THSD7A: variants seen among roughly 807,000 people sequenced by gnomAD.
The protein encoded by THSD7A is thrombospondin type 1 domain containing 7A.
Under a neutral mutation model 231.3 loss-of-function variants are expected in THSD7A, and 96 were observed. The observed-to-expected ratio is 0.41, with a 90% confidence interval of 0.35 to 0.49. THSD7A has a LOEUF of 0.49. THSD7A is among the 20% of genes least tolerant of loss of function. The probability of loss-of-function intolerance (pLI) is 0.05; values close to 1 mark genes in which losing one functional copy is unlikely to be tolerated. For synonymous variants in THSD7A, 940 were observed against 743.3 expected, an observed-to-expected ratio of 1.26 and a Z score of -4.30; for missense variants, 2,290 against 2,070.2, an observed-to-expected ratio of 1.11 and a Z score of -2.06.
At chr7:11,567,926 T>C (rs1410424422) in intron 4 of THSD7A, among the ~76,000 whole-genome samples, 1 of 152,158 alleles carries the variant, frequency 6.6e-6, no homozygotes, top group Admixed American at 6.5e-5. Context: ...TCTCACCTAA[T>C]TTTTTTGGTA....
intron 1 of THSD7A, among the ~76,000 whole-genome samples, chr7:11,649,873 C>A (rs912888934): frequency 2.6e-5 from 4 of 151,726 alleles, no homozygotes; most frequent in African/African-American, 7.3e-5. Flanking sequence ...CCAAATCCAA[C>A]TAGTATAATA....
chr7:11,571,518 A>T (rs1311229656), intron 4 of THSD7A, among the ~76,000 whole-genome samples: 2 of 152,184 alleles, frequency 1.3e-5, no homozygotes, highest in African/African-American at 4.8e-5. Context: ...ATTTTTAAAA[A>T]TTCTATTATT....
chr7:11,831,802 C>G lies in THSD7A; in HGVS notation c.145G>C (p.Ala49Pro). Residue 49 changes from alanine (A) to proline (P), a missense_variant, in exon 1 of 28, where the codon GCG becomes CCG. By Grantham distance (27) the Ala-to-Pro change is conservative. Coordinates refer to ENST00000423059, the MANE Select transcript of THSD7A (RefSeq NM_015204.3). The surrounding 1 kb of genome is among the most constrained non-coding windows in gnomAD (Gnocchi z 5.0). Reference protein sequence around the residue: ...LLRPGAGRAAAQGEAEAPTLY... With the variant: ...LLRPGAGRAAPQGEAEAPTLY... ...GTGGGCGCCTCCGCCTCGCCCTGCG[C>G]CGCAGCCCTGCCGGCGCCCGGGCGT... 6.8e-7 allele frequency: 1 copy of G among 1,462,876 alleles called. No individual in the cohort carries two copies. Among genetic ancestry groups the G allele is most frequent in the Non-Finnish European group, 9.1e-7 (1 of 1,103,924 alleles). 90.6% of individuals were successfully genotyped at this position (1,462,876 alleles called of 1,614,324 possible). A position where few individuals can be genotyped will look rare whatever the true frequency, so the allele number is the denominator to read the frequency against.
At chr7:11,679,608 G>A (rs1225134282) in intron 1 of THSD7A, among the ~76,000 whole-genome samples, 1 of 151,994 alleles carries the variant, frequency 6.6e-6, no homozygotes, top group East Asian at 1.9e-4. Context: ...GCTACAAAGA[G>A]AATAAAATAC....
intron 4 of THSD7A, among the ~76,000 whole-genome samples, chr7:11,588,416 C>T (rs1003504920): frequency 1.3e-5 from 2 of 152,088 alleles, no homozygotes; most frequent in African/African-American, 2.4e-5. Flanking sequence ...TATGAAAGGA[C>T]ACACACTCCT....
intron 1 of THSD7A, among the ~76,000 whole-genome samples, chr7:11,829,050 G>C (rs1350697867): frequency 1.3e-5 from 2 of 151,750 alleles, no homozygotes; most frequent in African/African-American, 4.8e-5. Context: ...TCATTTCCTT[G>C]TCTCTAGCTT....
chr7:11,662,932 ATGCT>A (rs1452930322), intron 1 of THSD7A, among the ~76,000 whole-genome samples: 2 of 151,434 alleles, frequency 1.3e-5, no homozygotes, highest in Admixed American at 1.3e-4. Context: ...TATCATTTAA[ATGCT>A]TAAGTTATAA....
intron 6 of THSD7A, among the ~76,000 whole-genome samples, chr7:11,484,874 A>ATTTTTTTTTTTTTTTTTTTTTTTTTTTT (rs56353626): frequency 1.9e-5 from 1 of 53,810 alleles, no homozygotes; most frequent in Admixed American, 3.9e-4. Context: ...CACAACCTTA[A>ATTTTTTTTTTTTTTTTTTTTTTTTTTTT]TTTTTTTTTT....
At chr7:11,500,141 C>G (rs959639383) in intron 6 of THSD7A, among the ~76,000 whole-genome samples, 3 of 151,926 alleles carry the variant, frequency 2.0e-5, no homozygotes, top group Non-Finnish European at 4.4e-5. Flanking sequence ...ACTCTATAAG[C>G]CAGAAGAGAT....
intron 1 of THSD7A, among the ~76,000 whole-genome samples, chr7:11,722,906 G>A (rs1394808001): frequency 1.3e-5 from 2 of 151,970 alleles, no homozygotes; most frequent in Admixed American, 6.6e-5. Flanking sequence ...AACCATTGTG[G>A]AAGTCAGTGT....
chr7:11,522,970 G>C (rs1256200503), intron 6 of THSD7A, among the ~76,000 whole-genome samples: 1 of 152,002 alleles, frequency 6.6e-6, no homozygotes, highest in African/African-American at 2.4e-5. Context: ...TGAATCCAAA[G>C]GAACCAAAAT....
chr7:11,429,705 A>G (rs1784422112), intron 13 of THSD7A, among the ~76,000 whole-genome samples: 1 of 152,216 alleles, frequency 6.6e-6, no homozygotes. Context: ...TTCACATCTT[A>G]TATCCATTTG....
intron 6 of THSD7A, among the ~76,000 whole-genome samples, chr7:11,495,897 G>A (rs945905842): frequency 6.6e-6 from 1 of 152,078 alleles, no homozygotes; most frequent in East Asian, 1.9e-4. Flanking sequence ...CAGGGGATTT[G>A]GAGAGTTAAG....
intron 4 of THSD7A, among the ~76,000 whole-genome samples, chr7:11,580,362 C>T (rs1791102646): frequency 6.6e-6 from 1 of 152,064 alleles, no homozygotes; most frequent in Admixed American, 6.5e-5. Context: ...TGGTGTAGTG[C>T]ACTCTCAGGG....
In THSD7A at chr7:11,607,417, T is replaced by C. The variant is rs560311589; in HGVS notation, c.1023-13915A>G. 6.6e-5 allele frequency among the ~76,000 whole-genome samples: 10 copies of C among 152,284 alleles called. No homozygotes were observed. The South Asian group carries it at 2.1e-3, about 32-fold the overall frequency. ...CATTCTGTCCCACAGTTTTTCCATA[T>C]GGTGAAATGATATTTTACTAAAAGA... On this transcript the variant is annotated intron_variant, in intron 2 of 27. Transcript: ENST00000423059.
At chr7:11,422,772 C>T (rs938257527) in intron 16 of THSD7A, among the ~76,000 whole-genome samples, 7 of 152,084 alleles carry the variant, frequency 4.6e-5, no homozygotes, top group Non-Finnish European at 1.0e-4. Flanking sequence ...CCTGCCTCAG[C>T]CTCCTGAGTA....
At chr7:11,388,014 C>A (rs992845769) in intron 23 of THSD7A, among the ~76,000 whole-genome samples, 1 of 152,044 alleles carries the variant, frequency 6.6e-6, no homozygotes, top group Non-Finnish European at 1.5e-5. Context: ...TATTGATGTA[C>A]GTATGTTGAA....
intron 1 of THSD7A, among the ~76,000 whole-genome samples, chr7:11,767,445 A>G (rs965829091): frequency 1.3e-5 from 2 of 152,292 alleles, no homozygotes; most frequent in African/African-American, 2.4e-5. Context: ...TTAGCCAGGA[A>G]CATTAATTAG....
chr7:11,540,763 A>C (rs1789111175), intron 6 of THSD7A, among the ~76,000 whole-genome samples: 1 of 152,230 alleles, frequency 6.6e-6, no homozygotes, highest in African/African-American at 2.4e-5. Flanking sequence ...ACATCAAGAC[A>C]GTATATTTTA....
Sources: allele counts gnomAD v4.1 joint callset (sites outside exome capture counted in the v4.1 genomes callset), GRCh38; gene constraint gnomAD v4.1.1; non-coding constraint Gnocchi (gnomAD v3.1); transcripts MANE v1.5; gene names NCBI Gene and HGNC (gene_info 2026-07-23, HGNC 2026-07-21).